Variants in VCPKMT observed in about 807,000 individuals in gnomAD.
VCPKMT encodes the protein valosin containing protein lysine methyltransferase, also known as protein N-lysine methyltransferase METTL21D.
VCPKMT carries 32 observed loss-of-function variants against 28.6 expected under a neutral mutation model. The observed-to-expected ratio is 1.12, with a 90% confidence interval of 0.84 to 1.50. The LOEUF is 1.50. Among genes scored for constraint, VCPKMT ranks in the 40% most tolerant of loss-of-function variants. VCPKMT has a pLI of 0.00. For missense variants in VCPKMT, 366 were observed against 285.0 expected, an observed-to-expected ratio of 1.28 and a Z score of -2.05; for synonymous variants, 138 against 111.4, an observed-to-expected ratio of 1.24 and a Z score of -1.50.
At chr14:50,103,860 G>T (rs76080488), downstream of VCPKMT, among the ~76,000 whole-genome samples, 1,071 of 152,150 alleles carry the variant, frequency 7.0e-3, 14 homozygotes, top group African/African-American at 0.024. Context: ...AGATAAAACT[G>T]ACTTGCATTA....
intron 4 of VCPKMT, chr14:50,113,360 T>C (rs1882838888): frequency 6.6e-6 from 1 of 152,178 alleles, no homozygotes; most frequent in South Asian, 2.1e-4. Flanking sequence ...AACATTTTAG[T>C]ATTTGTTACC....
intron 5 of VCPKMT, chr14:50,111,423 T>C: frequency 1.0e-6 from 1 of 985,466 alleles, no homozygotes; most frequent in African/African-American, 1.7e-5. Context: ...TATTTGCTTT[T>C]GACTAGAATT....
At chr14:50,112,800 T>G in intron 4 of VCPKMT, 81 bp from the exon 5 acceptor site, 1 of 861,150 alleles carries the variant, frequency 1.2e-6, no homozygotes, top group East Asian at 3.5e-5. Context: ...TGCTGGTTAC[T>G]TTTTTTTTGA....
downstream of VCPKMT, among the ~76,000 whole-genome samples, chr14:50,106,007 G>A (rs1459297933): frequency 6.6e-6 from 1 of 152,128 alleles, no homozygotes; most frequent in Non-Finnish European, 1.5e-5. Context: ...TGTACTAGGG[G>A]CCCACTCTAT....
intron 4 of VCPKMT, chr14:50,113,572 G>GT (rs1882853941): frequency 6.8e-6 from 1 of 146,274 alleles, no homozygotes; most frequent in Non-Finnish European, 1.5e-5. Context: ...GCAACTTCCT[G>GT]TAAGTCTTTT....
rs758199342 is a variant in VCPKMT, at chr14:50,115,922, CCAAA to C, written c.378-15_378-12del. 2.5e-6 allele frequency: 4 copies of C among 1,612,822 alleles called. No individual in the cohort carries two copies. In the East Asian group the frequency reaches 8.9e-5, roughly 36 times the overall value. On this transcript the variant is annotated splice_polypyrimidine_tract_variant and intron_variant, in intron 2 of 5. Coordinates refer to ENST00000395860, the MANE Select transcript of VCPKMT (RefSeq NM_024558.3). ...TCTATTTCTTCCCCCCTTAAAAATGCCAAACAAATATTTCAATTGTTTTAATAAT... is the reference window on the plus strand; with the variant it reads ...TCTATTTCTTCCCCCCTTAAAAATGCCAAATATTTCAATTGTTTTAATAAT...
At position 50,116,522 on chromosome 14, in the gene VCPKMT, C is replaced by T. The variant is rs907636696; in HGVS notation, c.31G>A (p.Asp11Asn). 3 of 1,613,262 alleles carry T rather than the reference C, an allele frequency of 1.9e-6. No homozygotes were observed. Among genetic ancestry groups the T allele is most frequent in the South Asian group, 2.2e-5 (2 of 91,036 alleles). MADTLESSLE[D>N]PLRSFVRVLE... ...ACTCGCACAAAGCTCCGCAGTGGGT[C>T]CTCCAGCGAGGACTCCAGCGTATCC... Residue 11 changes from aspartate (D) to asparagine (N), a missense_variant, in exon 1 of 6, where the codon GAC becomes AAC. Physicochemically the swap from Asp to Asn is conservative, Grantham distance 23. Coordinates refer to ENST00000395860, the MANE Select transcript of VCPKMT (RefSeq NM_024558.3).
chr14:50,112,395 G>A (rs12896256), intron 5 of VCPKMT, among the ~76,000 whole-genome samples: 2,294 of 11,876 alleles, frequency 0.19, 189 homozygotes, highest in Middle Eastern at 0.33. Flanking sequence ...AAAAATACGA[G>A]AAAAAAAAAA....
downstream of VCPKMT, among the ~76,000 whole-genome samples, chr14:50,107,319 C>CTTTT: frequency 6.9e-6 from 1 of 145,822 alleles, no homozygotes; most frequent in Non-Finnish European, 1.5e-5. Context: ...TCCTATTTGA[C>CTTTT]TTTTTTTTTT....
chr14:50,106,721 C>A, downstream of VCPKMT: 1 of 888,314 alleles, frequency 1.1e-6, no homozygotes, highest in Non-Finnish European at 1.3e-6. Flanking sequence ...CTTCCTCCTG[C>A]GGTTTTGTTT....
chr14:50,114,801 G>C (rs1882986521), intron 3 of VCPKMT, among the ~76,000 whole-genome samples: 1 of 152,202 alleles, frequency 6.6e-6, no homozygotes, highest in Admixed American at 6.5e-5. Flanking sequence ...AGTGAGCTAT[G>C]ATCACTCCAC....
intron 3 of VCPKMT, 57 bp from the exon 4 acceptor site, chr14:50,114,461 A>C: frequency 7.7e-7 from 1 of 1,294,598 alleles, no homozygotes; most frequent in East Asian, 2.8e-5. Flanking sequence ...CTACTCTAAA[A>C]GTAGGTTGAG....
chr14:50,106,196 G>C (rs548522018), downstream of VCPKMT, among the ~76,000 whole-genome samples: 16 of 152,178 alleles, frequency 1.1e-4, no homozygotes, highest in Non-Finnish European at 2.1e-4. Flanking sequence ...AACTGGACTG[G>C]GATAGGGCCT....
At chr14:50,115,250 T>G (rs1047629220) in intron 3 of VCPKMT, among the ~76,000 whole-genome samples, 2 of 151,132 alleles carry the variant, frequency 1.3e-5, no homozygotes, top group Non-Finnish European at 2.9e-5. Context: ...CCTCCCAGGT[T>G]CAAGCGATTC....
chr14:50,109,028 A>G lies in VCPKMT; in HGVS notation c.*671T>C, dbSNP rs1882461225. 5.1e-6 allele frequency: 5 copies of G among 985,290 alleles called. No individual in the cohort carries two copies. The highest frequency in any genetic ancestry group is 1.1e-4 in the East Asian group (1 of 8,832). 61.0% of individuals were successfully genotyped at this position (985,290 alleles called of 1,614,324 possible). On this transcript the variant is annotated 3_prime_UTR_variant, in exon 6 of 6. Transcript: ENST00000395860. ...TGTAAAGATATCTTTTGTTCCTCCA[A>G]TCTTCTGATTTGTCTTCTTAGCAAC...
rs1882473518 is a variant in VCPKMT at position 50,109,194 on chromosome 14, A to T, written c.*505T>A. ...AACATTTCAGTATTAAAGATATTTT[A>T]AAAGAAATGAAGTGGAAAATACAAA... On this transcript the variant is annotated 3_prime_UTR_variant, in exon 6 of 6. Coordinates refer to ENST00000395860, the MANE Select transcript of VCPKMT (RefSeq NM_024558.3). The T allele has an allele frequency of 1.1e-6, 1 of 890,064 alleles. No individual in the cohort carries two copies. Among genetic ancestry groups the T allele is most frequent in the South Asian group, 5.1e-5 (1 of 19,484 alleles). 55.1% of individuals were successfully genotyped at this position (890,064 alleles called of 1,614,324 possible).
At position 50,112,734 on chromosome 14, in the gene VCPKMT, G is replaced by C. The variant is rs1208236072; in HGVS notation, c.571-15C>G. On this transcript the variant is annotated splice_polypyrimidine_tract_variant and intron_variant, in intron 4 of 5. Coordinates refer to ENST00000395860, the MANE Select transcript of VCPKMT (RefSeq NM_024558.3). ...AGCTGAAGGAGCTATAAATTTAAAAGAGACATACTTCAAATTCAATAATAT... is the reference window on the plus strand; with the variant it reads ...AGCTGAAGGAGCTATAAATTTAAAACAGACATACTTCAAATTCAATAATAT... 1.3e-6 allele frequency: 2 copies of C among 1,510,486 alleles called. No homozygotes were observed. Among genetic ancestry groups the C allele is most frequent in the South Asian group, 2.4e-5 (2 of 83,238 alleles). The allele number at this position is 1,510,486 out of a possible 1,614,324, so 93.6% of individuals were successfully genotyped here.
At chr14:50,112,853 C>CT in intron 4 of VCPKMT, 134 bp from the exon 5 acceptor site, 1 of 523,518 alleles carries the variant, frequency 1.9e-6, no homozygotes, top group African/African-American at 2.0e-5. Context: ...GTGGTGCGAT[C>CT]TTGGCTCACT....
chr14:50,108,392 CCA>C (rs1190527466), downstream of VCPKMT, among the ~76,000 whole-genome samples: 1 of 152,114 alleles, frequency 6.6e-6, no homozygotes, highest in Admixed American at 6.5e-5. Context: ...TCACAAAGCA[CCA>C]CAGATTTAGG....
Sources: gnomAD v4.1 joint callset for allele counts (sites outside exome capture counted in the v4.1 genomes callset) on GRCh38, gnomAD v4.1.1 for gene constraint, MANE v1.5 for transcripts, NCBI Gene and HGNC (gene_info 2026-07-23, HGNC 2026-07-21) for gene names.